Variants in B4GALT6 observed in about 807,000 individuals in gnomAD.
B4GALT6 encodes beta-1,4-galactosyltransferase 6.
Under a neutral mutation model 46.3 loss-of-function variants are expected in B4GALT6, and 14 were observed. The observed-to-expected ratio is 0.30, with a 90% CI of 0.20 to 0.47. The LOEUF is 0.47. Among genes scored for constraint, B4GALT6 ranks in the 20% least tolerant of loss-of-function variants. The probability of loss-of-function intolerance (pLI) is 0.99; values close to 1 mark genes in which losing one functional copy is unlikely to be tolerated. For synonymous variants in B4GALT6, 168 were observed against 162.0 expected (o/e 1.04, Z -0.28); for missense variants, 386 against 480.1 (o/e 0.80, Z 1.83).
At chr18:31,651,476 A>G (rs928616718) in intron 3 of B4GALT6, among the ~76,000 whole-genome samples, 7 of 152,034 alleles carry the variant, frequency 4.6e-5, no homozygotes, top group Middle Eastern at 3.4e-3. Flanking sequence ...TTCATTCCCT[A>G]TGACAACTTT....
the B4GALT6 span, among the ~76,000 whole-genome samples, chr18:31,711,316 C>T: frequency 1.3e-5 from 2 of 152,036 alleles, no homozygotes; most frequent in African/African-American, 4.8e-5. Flanking sequence ...CAGGTAAATT[C>T]ATGCCACAGG....
the B4GALT6 span, among the ~76,000 whole-genome samples, chr18:31,719,950 C>G: frequency 3.9e-5 from 6 of 152,294 alleles, no homozygotes; most frequent in African/African-American, 1.4e-4. Context: ...GGTTCAGACT[C>G]TTGGAGCCAG....
upstream of B4GALT6, among the ~76,000 whole-genome samples, chr18:31,687,105 C>T (rs892077254): frequency 6.6e-6 from 1 of 152,176 alleles, no homozygotes; most frequent in African/African-American, 2.4e-5. Flanking sequence ...TTCTCTTGTT[C>T]GGCAAGTGTC....
intron 2 of B4GALT6, among the ~76,000 whole-genome samples, chr18:31,661,132 C>A (rs538263443): frequency 3.3e-5 from 5 of 152,176 alleles, no homozygotes; most frequent in Non-Finnish European, 5.9e-5. Flanking sequence ...CGAACAATCA[C>A]AACTAGACTC....
intron 5 of B4GALT6, among the ~76,000 whole-genome samples, chr18:31,638,418 T>C (rs565356500): frequency 1.7e-3 from 266 of 152,120 alleles, no homozygotes; most frequent in African/African-American, 6.3e-3. Context: ...TCCCAGCTAC[T>C]TGGGAGGCTG....
chr18:31,700,520 A>G, the B4GALT6 span, among the ~76,000 whole-genome samples: 1 of 151,604 alleles, frequency 6.6e-6, no homozygotes, highest in Non-Finnish European at 1.5e-5. Flanking sequence ...GCAGTGGCAC[A>G]ATCTCAGCTC....
At chr18:31,680,223 C>T (rs1224269586) in intron 1 of B4GALT6, among the ~76,000 whole-genome samples, 1 of 152,114 alleles carries the variant, frequency 6.6e-6, no homozygotes, top group African/African-American at 2.4e-5. Context: ...ATTAACAGCT[C>T]CAAAGAACAC....
chr18:31,685,565 G>T (rs892291253), upstream of B4GALT6: 3 of 151,610 alleles, frequency 2.0e-5, no homozygotes, highest in Non-Finnish European at 4.4e-5. Context: ...GCGCCCAGCA[G>T]CCCCCTCCCC....
chr18:31,647,033 T>C (rs1050813604), intron 3 of B4GALT6, among the ~76,000 whole-genome samples: 1 of 152,206 alleles, frequency 6.6e-6, no homozygotes, highest in South Asian at 2.1e-4. Flanking sequence ...AAAGAGTAAG[T>C]AAAATGTAAG....
rs55730236 is a variant in B4GALT6, at chr18:31,651,851, A to G, written c.346+6125T>C. Among the ~76,000 whole-genome samples, 3 of 151,726 alleles carry G rather than the reference A, an allele frequency of 2.0e-5. No homozygotes were observed. In the South Asian group the frequency reaches 6.2e-4, roughly 32 times the overall value. On this transcript the variant is annotated intron_variant, in intron 3 of 8. Transcript: ENST00000306851. ...AGTGGCGAGATCTCAGCTCACTGCCAGCTCCACCTCCTGGGTTCACGCCAT... is the reference window on the plus strand; with the variant it reads ...AGTGGCGAGATCTCAGCTCACTGCCGGCTCCACCTCCTGGGTTCACGCCAT...
chr18:31,632,149 G>A (rs927478036), intron 5 of B4GALT6, among the ~76,000 whole-genome samples: 1 of 152,142 alleles, frequency 6.6e-6, no homozygotes, highest in Non-Finnish European at 1.5e-5. Context: ...GATTACGATA[G>A]AAGTAAATGA....
At position 31,673,301 on chromosome 18, in the gene B4GALT6, G is replaced by C. The variant is rs141818364; in HGVS notation, c.116-6929C>G. On this transcript the variant is annotated intron_variant, in intron 1 of 8. Coordinates refer to ENST00000306851, the MANE Select transcript of B4GALT6 (RefSeq NM_004775.5). Reference sequence around the variant, plus strand: ...AAAACAAAGGAGAGTGAAAGGACGAGAAGTCATTGTGAGGATGAGACATAA... The same window carrying C: ...AAAACAAAGGAGAGTGAAAGGACGACAAGTCATTGTGAGGATGAGACATAA... Among the ~76,000 whole-genome samples the C allele has an allele frequency of 2.3e-4, 35 of 152,186 alleles. No individual in the cohort carries two copies. In the Middle Eastern group the frequency reaches 0.014, roughly 59 times the overall value.
chr18:31,664,176 G>C (rs55798638), intron 2 of B4GALT6, among the ~76,000 whole-genome samples: 4 of 77,528 alleles, frequency 5.2e-5, no homozygotes, highest in Non-Finnish European at 1.1e-4. Flanking sequence ...AGCCATCTTA[G>C]ACTATGAGTT....
intron 5 of B4GALT6, among the ~76,000 whole-genome samples, chr18:31,633,370 T>C (rs1175961534): frequency 6.6e-6 from 1 of 152,054 alleles, no homozygotes; most frequent in Non-Finnish European, 1.5e-5. Flanking sequence ...GAGACTTACA[T>C]TAGGTCAGCA....
rs1225632874 is a variant in B4GALT6 at position 31,623,826 on chromosome 18, T to C, written c.*1788A>G. The C allele has an allele frequency of 1.3e-5, 2 of 151,974 alleles. No homozygotes were observed. The highest frequency in any genetic ancestry group is 2.9e-5 in the Non-Finnish European group (2 of 67,850). 9.4% of individuals were successfully genotyped at this position (151,974 alleles called of 1,614,324 possible). ...GTCATTTGTGTTATCAATATTGCCA[T>C]AAAAATGACACTTCAAAATAAAACT... On this transcript the variant is annotated 3_prime_UTR_variant, in exon 9 of 9. Transcript: ENST00000306851.
the B4GALT6 span, among the ~76,000 whole-genome samples, chr18:31,697,570 C>T: frequency 3.3e-5 from 5 of 152,198 alleles, no homozygotes; most frequent in South Asian, 2.1e-4. Flanking sequence ...GTTATCTCTC[C>T]GGGTTAGTTT....
the B4GALT6 span, among the ~76,000 whole-genome samples, chr18:31,707,089 C>G: frequency 6.6e-6 from 1 of 152,140 alleles, no homozygotes; most frequent in Non-Finnish European, 1.5e-5. Flanking sequence ...AGGGACCACA[C>G]AGCAGAGTGT....
At chr18:31,639,469 A>C (rs1402026467) in intron 4 of B4GALT6, among the ~76,000 whole-genome samples, 1 of 152,220 alleles carries the variant, frequency 6.6e-6, no homozygotes, top group Non-Finnish European at 1.5e-5. Context: ...AAAAACCTCA[A>C]TCATACATGA....
chr18:31,644,804 C>T (rs1454119853), intron 4 of B4GALT6, among the ~76,000 whole-genome samples: 3 of 152,228 alleles, frequency 2.0e-5, no homozygotes, highest in Non-Finnish European at 2.9e-5. Flanking sequence ...GCTGTGCCTT[C>T]TGAAGCCAAG....
Sources: gnomAD v4.1 joint callset for allele counts (sites outside exome capture counted in the v4.1 genomes callset) on GRCh38, gnomAD v4.1.1 for gene constraint, MANE v1.5 for transcripts, NCBI Gene and HGNC (gene_info 2026-07-23, HGNC 2026-07-21) for gene names.